Variants in KCNMB2 observed in about 807,000 individuals in gnomAD.
KCNMB2 encodes calcium-activated potassium channel subunit beta-2.
A neutral mutation model predicts 24.5 loss-of-function variants in KCNMB2; 9 were observed. That is an observed-to-expected ratio of 0.37 (90% confidence interval 0.22 to 0.64). The LOEUF is 0.64. Among genes scored for constraint, KCNMB2 ranks in the 30% least tolerant of loss-of-function variants. KCNMB2 has a pLI of 0.63. For missense variants in KCNMB2, 226 were observed against 284.3 expected, an observed-to-expected ratio of 0.79 and a Z score of 1.47; for synonymous variants, 109 against 104.4, an observed-to-expected ratio of 1.04 and a Z score of -0.27.
intron 1 of KCNMB2, among the ~76,000 whole-genome samples, chr3:178,579,282 T>C (rs541706966): frequency 1.3e-5 from 2 of 152,022 alleles, no homozygotes; most frequent in Non-Finnish European, 2.9e-5. Context: ...TAGGTAAAAA[T>C]GAAATTATGG....
intron 1 of KCNMB2, among the ~76,000 whole-genome samples, chr3:178,582,357 G>C (rs1193878918): frequency 6.6e-6 from 1 of 152,154 alleles, no homozygotes; most frequent in East Asian, 1.9e-4. Flanking sequence ...ACCAGGGCCT[G>C]TGGCGGGGTG....
chr3:178,612,086 T>A (rs1288968120), intron 1 of KCNMB2, among the ~76,000 whole-genome samples: 1 of 152,216 alleles, frequency 6.6e-6, no homozygotes. Flanking sequence ...TATTAATTTC[T>A]AGTTTAGTTT....
intron 1 of KCNMB2, among the ~76,000 whole-genome samples, chr3:178,582,459 T>C (rs1717250848): frequency 6.6e-6 from 1 of 152,110 alleles, no homozygotes; most frequent in Non-Finnish European, 1.5e-5. Flanking sequence ...CATATACCTA[T>C]GTAACAAACA....
intron 1 of KCNMB2, chr3:178,795,134 T>G: frequency 6.6e-6 from 1 of 152,124 alleles, no homozygotes; most frequent in Non-Finnish European, 1.5e-5. Flanking sequence ...TTGTTTGTTT[T>G]TTTTAAGGGC....
At position 178,758,441 on chromosome 3, in the gene KCNMB2, T is replaced by TAC. The variant is rs1553774667; in HGVS notation, c.-67-48894_-67-48893dup. ...ATCCAAGAGGGGATATATATATATATACACACACAAGAGGTGATATATATA... is the reference window on the plus strand; with the variant it reads ...ATCCAAGAGGGGATATATATATATATACACACACACAAGAGGTGATATATATA... On this transcript the variant is annotated intron_variant, in intron 1 of 4. Coordinates refer to ENST00000452583, the MANE Select transcript of KCNMB2 (RefSeq NM_181361.3). Among the ~76,000 whole-genome samples, 5 of 54,088 alleles carry TAC rather than the reference T, an allele frequency of 9.2e-5. 1 individual carries two copies. Among genetic ancestry groups the TAC allele is most frequent in the African/African-American group, 2.8e-4 (4 of 14,428 alleles). The allele number at this position is 54,088 out of a possible 152,430, so 35.5% of individuals were successfully genotyped here.
At chr3:178,614,174 T>G (rs1186522751) in intron 1 of KCNMB2, among the ~76,000 whole-genome samples, 2 of 142,796 alleles carry the variant, frequency 1.4e-5, no homozygotes, top group Non-Finnish European at 3.0e-5. Flanking sequence ...TTCTGTCTCT[T>G]TGTTAAATTT....
At chr3:178,656,439 T>C (rs188990972) in intron 1 of KCNMB2, among the ~76,000 whole-genome samples, 61 of 152,304 alleles carry the variant, frequency 4.0e-4, no homozygotes, top group African/African-American at 1.3e-3. Flanking sequence ...ATCAGTGTAA[T>C]AGCAAAGGTA....
intron 1 of KCNMB2, among the ~76,000 whole-genome samples, chr3:178,592,491 T>G (rs1431920821): frequency 6.6e-6 from 1 of 152,154 alleles, no homozygotes; most frequent in African/African-American, 2.4e-5. Context: ...GAGGGCTTGA[T>G]ACACAAATGG....
chr3:178,768,947 A>C (rs558507172), intron 1 of KCNMB2, among the ~76,000 whole-genome samples: 2 of 141,772 alleles, frequency 1.4e-5, no homozygotes, highest in African/African-American at 5.2e-5. Context: ...TAATGTACCA[A>C]CATTGCACGG....
intron 1 of KCNMB2, among the ~76,000 whole-genome samples, chr3:178,663,321 G>A (rs1720601535): frequency 6.6e-6 from 1 of 152,076 alleles, no homozygotes; most frequent in Non-Finnish European, 1.5e-5. Context: ...AGTCACTGTA[G>A]TAATAAGATA....
rs370611568 is a variant in KCNMB2, at chr3:178,547,548, G to A, written c.-68+10837G>A. 7.9e-5 allele frequency among the ~76,000 whole-genome samples: 12 copies of A among 152,280 alleles called. 1 individual carries two copies. The highest frequency in any genetic ancestry group is 2.9e-4 in the African/African-American group (12 of 41,552). On this transcript the variant is annotated intron_variant, in intron 1 of 4. Transcript: ENST00000452583. ...CTGCCTCTATTTCATATATGTGTGT[G>A]TATGTGTATGTATGTATGTGTGTAT...
intron 1 of KCNMB2, among the ~76,000 whole-genome samples, chr3:178,540,991 C>T (rs1025651518): frequency 4.6e-5 from 7 of 152,124 alleles, no homozygotes; most frequent in African/African-American, 1.7e-4. Flanking sequence ...ACAAATTATT[C>T]AATGTGGTAA....
At position 178,842,924 on chromosome 3, in the gene KCNMB2, G is replaced by A. The variant is rs1715479580; in HGVS notation, c.695G>A (p.Arg232Gln). The change falls in exon 5 of 5, where the codon CGG becomes CAG. Residue 232 changes from arginine (R) to glutamine (Q), a missense_variant. Transcript: ENST00000452583. ...TCCCTACTATGTGAGAGGATCCAAC[G>A]GATCAATAGATAAATGCAAAAATGG... ...YLSLLCERIQRINR is the reference protein window; with the variant it reads ...YLSLLCERIQQINR 2 of 1,600,486 alleles carry A rather than the reference G, an allele frequency of 1.2e-6. No homozygotes were observed. The highest frequency in any genetic ancestry group is 1.1e-5 in the South Asian group (1 of 89,666).
At chr3:178,689,290 A>G (rs932355009) in intron 1 of KCNMB2, among the ~76,000 whole-genome samples, 1 of 152,092 alleles carries the variant, frequency 6.6e-6, no homozygotes, top group Non-Finnish European at 1.5e-5. Context: ...AACTTTGTGT[A>G]CTGTTAAAAA....
At chr3:178,621,691 TGTTAA>T (rs1440643999) in intron 1 of KCNMB2, among the ~76,000 whole-genome samples, 3 of 152,148 alleles carry the variant, frequency 2.0e-5, no homozygotes, top group Non-Finnish European at 4.4e-5. Context: ...TAAATTACTC[TGTTAA>T]GTTTTCTTTA....
rs185543953 is a variant in KCNMB2 at position 178,701,125 on chromosome 3, A to C, written c.-67-106218A>C. Among the ~76,000 whole-genome samples the C allele has an allele frequency of 9.8e-5, 15 of 152,320 alleles. No homozygotes were observed. In the East Asian group the frequency reaches 2.7e-3, roughly 27 times the overall value. On this transcript the variant is annotated intron_variant, in intron 1 of 4. Coordinates refer to ENST00000452583, the MANE Select transcript of KCNMB2 (RefSeq NM_181361.3). ...TAAGCCTTTAATCCATCTTGAATTAATTGTTGTATAAGGTGTAAGAAAGGG... is the reference window on the plus strand; with the variant it reads ...TAAGCCTTTAATCCATCTTGAATTACTTGTTGTATAAGGTGTAAGAAAGGG...
chr3:178,679,166 A>T (rs1392905484), intron 1 of KCNMB2, among the ~76,000 whole-genome samples: 4 of 152,094 alleles, frequency 2.6e-5, no homozygotes, highest in Non-Finnish European at 5.9e-5. Context: ...CTCCCAAAAG[A>T]TATACACTAC....
intron 1 of KCNMB2, among the ~76,000 whole-genome samples, chr3:178,662,860 A>G (rs1720584160): frequency 1.3e-5 from 2 of 152,128 alleles, no homozygotes; most frequent in South Asian, 4.1e-4. Context: ...CCCCATTTGC[A>G]CGTGATAAAA....
At chr3:178,683,193 C>T (rs904127938) in intron 1 of KCNMB2, among the ~76,000 whole-genome samples, 3 of 152,016 alleles carry the variant, frequency 2.0e-5, no homozygotes, top group Non-Finnish European at 4.4e-5. Context: ...CAGCTAGAGA[C>T]CATTATCCTT....
Sources: allele counts gnomAD v4.1 joint callset (sites outside exome capture counted in the v4.1 genomes callset), GRCh38; gene constraint gnomAD v4.1.1; transcripts MANE v1.5; gene names NCBI Gene and HGNC (gene_info 2026-07-23, HGNC 2026-07-21).